USP32: variants seen among roughly 807,000 people sequenced by gnomAD.
The protein encoded by USP32 is ubiquitin specific peptidase 32, also known as ubiquitin carboxyl-terminal hydrolase 32.
USP32 carries 59 observed loss-of-function variants against 204.8 expected under a neutral mutation model. The ratio of observed to expected loss-of-function variants is 0.29; its 90% CI spans 0.23 to 0.36. The LOEUF is 0.36. Among genes scored for constraint, USP32 ranks in the 10% least tolerant of loss-of-function variants. USP32 has a pLI of 1.00. For missense variants in USP32, 1,160 were observed against 1,946.4 expected, an observed-to-expected ratio of 0.60 and a Z score of 7.60; for synonymous variants, 517 against 678.4, an observed-to-expected ratio of 0.76 and a Z score of 3.70.
Position 60,400,885 on chromosome 17 carries a change from G to A in USP32, c.106+21361C>T, listed in dbSNP as rs79295220. ...GAAATAAGAGTTTAAAAATTAGCTTGATATGGTGCCACCTGTGATCCCAGC... is the reference window on the plus strand; with the variant it reads ...GAAATAAGAGTTTAAAAATTAGCTTAATATGGTGCCACCTGTGATCCCAGC... On this transcript the variant is annotated intron_variant, in intron 1 of 3. Coordinates refer to the USP32 transcript ENST00000588898. Among the ~76,000 whole-genome samples the A allele has an allele frequency of 5.9e-3, 891 of 152,184 alleles. 8 individuals are homozygous for A. Among genetic ancestry groups the A allele is most frequent in the African/African-American group, 0.02 (841 of 41,526 alleles).
At chr17:60,399,461 C>T (rs1368872351) in intron 1 of USP32, among the ~76,000 whole-genome samples, 3 of 151,796 alleles carry the variant, frequency 2.0e-5, no homozygotes, top group African/African-American at 7.3e-5. Context: ...TTGAGACCAG[C>T]CTGGGAAACA....
chr17:60,229,780 A>G lies in USP32; in HGVS notation c.1240-3549T>C, dbSNP rs547268466. Among the ~76,000 whole-genome samples, 5 of 152,176 alleles carry G rather than the reference A, an allele frequency of 3.3e-5. No homozygotes were observed. The South Asian group carries it at 1.0e-3, about 32-fold the overall frequency. The stretch of plus-strand genomic sequence containing the variant: ...AAATTTATACTCACTTCTATATTCC[A>G]TTTATATAAAGTTGATGCATTACAA... On this transcript the variant is annotated intron_variant, in intron 12 of 33. Coordinates refer to ENST00000300896, the MANE Select transcript of USP32 (RefSeq NM_032582.4).
chr17:60,374,459 G>T (rs531178502), intron 1 of USP32, among the ~76,000 whole-genome samples: 1 of 151,428 alleles, frequency 6.6e-6, no homozygotes, highest in Non-Finnish European at 1.5e-5. Flanking sequence ...GTGCACTGGC[G>T]TGATCAAGGC....
At chr17:60,224,644 G>A (rs1255650755) in intron 13 of USP32, among the ~76,000 whole-genome samples, 1 of 152,210 alleles carries the variant, frequency 6.6e-6, no homozygotes, top group Non-Finnish European at 1.5e-5. Flanking sequence ...TTAGCTGTGT[G>A]TGGCAGTGTA....
chr17:60,243,867 C>G (rs1034531086), intron 11 of USP32, among the ~76,000 whole-genome samples: 1 of 151,990 alleles, frequency 6.6e-6, no homozygotes, highest in Admixed American at 6.6e-5. Context: ...AATAAAATGT[C>G]TCTCTGGCTC....
In USP32 at chr17:60,309,317, CA is replaced by C. The variant is rs200529353; in HGVS notation, c.187-7614del. The stretch of plus-strand genomic sequence containing the variant: ...AAAAAACAAAACAAAAACAAACCCA[CA>C]AAAAATTACATTTCTAAATGGGGAA... On this transcript the variant is annotated intron_variant, in intron 2 of 33. Transcript: ENST00000300896. Among the ~76,000 whole-genome samples, 1,042 of 152,192 alleles carry C rather than the reference CA, an allele frequency of 6.8e-3. 4 individuals are homozygous for C. Among genetic ancestry groups the C allele is most frequent in the Admixed American group, 0.011 (166 of 15,282 alleles).
At chr17:60,205,997 C>G (rs1297981630) in intron 25 of USP32, among the ~76,000 whole-genome samples, 1 of 152,216 alleles carries the variant, frequency 6.6e-6, no homozygotes, top group Non-Finnish European at 1.5e-5. Context: ...CTGTCCAATA[C>G]AGTAACCTCT....
intron 1 of USP32, among the ~76,000 whole-genome samples, chr17:60,378,689 A>G (rs1445319748): frequency 1.3e-5 from 2 of 152,204 alleles, no homozygotes; most frequent in East Asian, 1.9e-4. Context: ...AGAAAGGTCA[A>G]ATATTGTACG....
At position 60,269,573 on chromosome 17, in the gene USP32, A is replaced by T; in HGVS notation, c.704-16T>A. The T allele has an allele frequency of 6.3e-7, 1 of 1,578,648 alleles. No individual in the cohort carries two copies. Among genetic ancestry groups the T allele is most frequent in the African/African-American group, 1.4e-5 (1 of 73,616 alleles). On this transcript the variant is annotated splice_polypyrimidine_tract_variant and intron_variant, in intron 6 of 33. Transcript: ENST00000300896. ...TTAAACAAACCTGTAAAATAGGAAG[A>T]GATGCCATAAATCACAGCCAAGCTT...
intron 1 of USP32, among the ~76,000 whole-genome samples, chr17:60,349,446 G>A (rs535377380): frequency 1.4e-3 from 212 of 149,042 alleles, no homozygotes; most frequent in African/African-American, 4.6e-3. Flanking sequence ...CAGCCGTGGC[G>A]GTGGGTGCCT....
At chr17:60,182,357 G>A (rs988324927) in intron 31 of USP32, among the ~76,000 whole-genome samples, 2 of 152,188 alleles carry the variant, frequency 1.3e-5, no homozygotes, top group Non-Finnish European at 2.9e-5. Context: ...CATTAGCACA[G>A]ACTTCACTGT....
chr17:60,316,733 C>T (rs549427310), intron 2 of USP32, among the ~76,000 whole-genome samples: 47 of 152,012 alleles, frequency 3.1e-4, no homozygotes, highest in African/African-American at 7.5e-4. Context: ...CCCAGCTACT[C>T]GGGTGGCTGA....
chr17:60,240,340 T>C (rs1272018400), intron 11 of USP32, among the ~76,000 whole-genome samples: 3 of 152,212 alleles, frequency 2.0e-5, no homozygotes, highest in African/African-American at 7.2e-5. Flanking sequence ...ATAAAGTCTG[T>C]CTTCCTTGTT....
At chr17:60,247,671 G>C (rs1598137803) in intron 11 of USP32, among the ~76,000 whole-genome samples, 1 of 149,264 alleles carries the variant, frequency 6.7e-6, no homozygotes, top group Non-Finnish European at 1.5e-5. Flanking sequence ...TTGTTTGTTT[G>C]TTTTGGTTTT....
At chr17:60,232,392 G>A (rs2085588067) in intron 12 of USP32, among the ~76,000 whole-genome samples, 1 of 150,062 alleles carries the variant, frequency 6.7e-6, no homozygotes, top group South Asian at 2.1e-4. Context: ...AGGCTGGTCT[G>A]GAACTCCTGG....
intron 2 of USP32, among the ~76,000 whole-genome samples, chr17:60,314,933 C>T (rs2087937270): frequency 6.6e-6 from 1 of 152,020 alleles, no homozygotes; most frequent in Middle Eastern, 3.2e-3. Context: ...TTTTACTATA[C>T]TGAAAGAAGA....
At chr17:60,277,520 C>T (rs1047743754) in intron 5 of USP32, among the ~76,000 whole-genome samples, 12 of 152,188 alleles carry the variant, frequency 7.9e-5, no homozygotes, top group African/African-American at 2.7e-4. Context: ...CACCAAAGTC[C>T]TTTATTCCCT....
intron 1 of USP32, among the ~76,000 whole-genome samples, chr17:60,363,454 CAA>C (rs148426945): frequency 1.5e-4 from 5 of 32,842 alleles, no homozygotes; most frequent in Non-Finnish European, 1.9e-4. Flanking sequence ...GACTCTGTCT[CAA>C]AAAAAAAAAA....
At chr17:60,326,387 T>C (rs2088240022) in intron 2 of USP32, among the ~76,000 whole-genome samples, 1 of 151,974 alleles carries the variant, frequency 6.6e-6, no homozygotes, top group Non-Finnish European at 1.5e-5. Flanking sequence ...CTCGGCTCAC[T>C]GCAACCTCCG....
Sources: allele counts gnomAD v4.1 joint callset (sites outside exome capture counted in the v4.1 genomes callset), GRCh38; gene constraint gnomAD v4.1.1; transcripts MANE v1.5; gene names NCBI Gene and HGNC (gene_info 2026-07-23, HGNC 2026-07-21).